TRPM2: variants seen among roughly 807,000 people sequenced by gnomAD.
TRPM2 encodes transient receptor potential cation channel subfamily M member 2.
In TRPM2, 161 loss-of-function variants were observed where a neutral mutation model predicts 174.0. The observed-to-expected ratio is 0.93, with a 90% confidence interval of 0.81 to 1.05. TRPM2 has a LOEUF of 1.05. TRPM2 is among the 50% of genes least tolerant of loss of function. The probability of loss-of-function intolerance (pLI) is 0.00; values close to 1 mark genes in which losing one functional copy is unlikely to be tolerated. For missense variants in TRPM2, 2,057 were observed against 2,038.0 expected, an observed-to-expected ratio of 1.01 and a Z score of -0.18; for synonymous variants, 954 against 861.3, an observed-to-expected ratio of 1.11 and a Z score of -1.88.
In TRPM2 at chr21:44,366,969, C is replaced by T. The variant is rs548489897; in HGVS notation, c.604+35C>T. 62 of 1,542,058 alleles carry T rather than the reference C, an allele frequency of 4.0e-5. No individual in the cohort carries two copies. In the East Asian group the frequency reaches 6.8e-4, roughly 17 times the overall value. On this transcript the variant is annotated intron_variant, in intron 4 of 31. Transcript: ENST00000397928. The surrounding 1 kb of genome is among the most constrained non-coding windows in gnomAD (Gnocchi z 6.0). ...AGGCTGGAGGGACACGAGGCCCCGG[C>T]GGGTGGGGTGGGCTGTGGAGGCAGT...
At chr21:44,365,337 G>A (rs1222145814) in intron 3 of TRPM2, among the ~76,000 whole-genome samples, 1 of 152,216 alleles carries the variant, frequency 6.6e-6, no homozygotes, top group Admixed American at 6.5e-5. Flanking sequence ...TACCTGTCGA[G>A]TGTGACCTGT....
chr21:44,405,402 G>A, intron 17 of TRPM2, 142 bp downstream of exon 17: 2 of 1,311,096 alleles, frequency 1.5e-6, no homozygotes, highest in Non-Finnish European at 2.1e-6. Context: ...TCCAATGGGT[G>A]TCCAGGCAAC....
Position 44,366,806 on chromosome 21 carries a change from C to T in TRPM2, c.476C>T (p.Thr159Ile). Residue 159 changes from threonine to isoleucine, a missense_variant, in exon 4 of 32, where the codon ACC becomes ATC. Physicochemically the swap from Thr to Ile is moderately conservative, Grantham distance 89 (BLOSUM62 -1). Transcript: ENST00000397928. The surrounding 1 kb of genome is among the most constrained non-coding windows in gnomAD (Gnocchi z 6.0). ...TPSSVIYHLM[T>I]QHWGLDVPNL... Reference sequence around the variant, plus strand: ...TCCAGCGTGATCTACCACCTCATGACCCAGCACTGGGGGCTGGACGTCCCC... The same window carrying T: ...TCCAGCGTGATCTACCACCTCATGATCCAGCACTGGGGGCTGGACGTCCCC... 6.2e-7 allele frequency: 1 copy of T among 1,614,000 alleles called. No individual in the cohort carries two copies. Among genetic ancestry groups the T allele is most frequent in the Non-Finnish European group, 8.5e-7 (1 of 1,179,990 alleles).
At position 44,425,788 on chromosome 21, in the gene TRPM2, C is replaced by CA. The variant is rs2050745363; in HGVS notation, c.3757dup (p.Thr1253AsnfsTer20). On this transcript the variant is annotated frameshift_variant, in exon 25 of 32. Coordinates refer to ENST00000397928, the MANE Select transcript of TRPM2 (RefSeq NM_003307.4). LOFTEE classifies it high-confidence loss of function. Reference sequence around the variant, plus strand: ...ACCTCCTCTACCCCAACTGCCCTGTCACGCGCTTCCCCGTGCCCAACGAGA... The same window carrying CA: ...ACCTCCTCTACCCCAACTGCCCTGTCAACGCGCTTCCCCGTGCCCAACGAGA... 1 of 1,588,668 alleles carries CA rather than the reference C, an allele frequency of 6.3e-7. No individual in the cohort carries two copies. Among genetic ancestry groups the CA allele is most frequent in the Non-Finnish European group, 8.6e-7 (1 of 1,161,694 alleles).
At chr21:44,364,654 A>G (rs2048307655) in intron 3 of TRPM2, among the ~76,000 whole-genome samples, 1 of 151,398 alleles carries the variant, frequency 6.6e-6, no homozygotes, top group Non-Finnish European at 1.5e-5. Flanking sequence ...GTGTGCTGGG[A>G]GAATGGTAGG....
In TRPM2 at chr21:44,437,095, G is replaced by A. The variant is rs775827047; in HGVS notation, c.4095G>A (p.Arg1365=). Residue 1365 remains arginine (R), a synonymous_variant, in exon 29 of 32, where the codon AGG becomes AGA. Transcript: ENST00000397928. ...WRRNEDGAIC[R]KSIKKMLEVL... ...GGAACGAGGATGGAGCCATCTGCAG[G>A]AAGAGCATAAAGAAGATGCTGGAAG... The A allele has an allele frequency of 2.1e-4, 324 of 1,551,250 alleles. No individual in the cohort carries two copies. Among genetic ancestry groups the A allele is most frequent in the Admixed American group, 6.9e-4 (35 of 50,998 alleles).
chr21:44,364,086 C>T, intron 2 of TRPM2, 28 bp from the exon 3 acceptor site: 1 of 1,606,894 alleles, frequency 6.2e-7, no homozygotes, highest in South Asian at 1.1e-5. Context: ...ACCACACTCC[C>T]TGGGTGACTG....
At chr21:44,351,210 G>A (rs2122996767), upstream of TRPM2, among the ~76,000 whole-genome samples, 1 of 152,198 alleles carries the variant, frequency 6.6e-6, no homozygotes, top group Non-Finnish European at 1.5e-5. Flanking sequence ...TCCTGGGCTC[G>A]CGTGCCAACG....
At chr21:44,417,872 G>A in intron 20 of TRPM2, 55 bp from the exon 21 acceptor site, 6 of 1,562,634 alleles carry the variant, frequency 3.8e-6, no homozygotes, top group Non-Finnish European at 5.2e-6. Context: ...GGTGAGAGGG[G>A]TCTGTTCTGG....
At chr21:44,436,633 C>T (rs1447245140) in intron 28 of TRPM2, among the ~76,000 whole-genome samples, 7 of 134,402 alleles carry the variant, frequency 5.2e-5, no homozygotes, top group Non-Finnish European at 1.1e-4. Flanking sequence ...CCCACATCAC[C>T]CCCAGGTGGC....
Position 44,438,854 on chromosome 21 carries a change from C to G in TRPM2, c.4168-213C>G, listed in dbSNP as rs1047117026. On this transcript the variant is annotated intron_variant, in intron 29 of 31. Transcript: ENST00000397928. The surrounding 1 kb of genome is among the most constrained non-coding windows in gnomAD (Gnocchi z 5.9). ...CAGAGGTTGTGTCTGCAGCCCAGTG[C>G]CCCCTGCTCGGGCCACGGCAGGCCT... is the stretch of plus-strand genomic sequence containing the variant. Among the ~76,000 whole-genome samples, 4 of 152,180 alleles carry G rather than the reference C, an allele frequency of 2.6e-5. No individual in the cohort carries two copies. The highest frequency in any genetic ancestry group is 2.6e-4 in the Admixed American group (4 of 15,284).
In TRPM2 at chr21:44,436,163, A is replaced by G. The variant is rs938013991; in HGVS notation, c.4062-899A>G. On this transcript the variant is annotated intron_variant, in intron 28 of 31. Transcript: ENST00000397928. ...CTCCAGCAGCTGGCCCACTGCTCTC[A>G]CCCAAGGCACGGGCCGCCTTCTGTG... Among the ~76,000 whole-genome samples, 4 of 152,078 alleles carry G rather than the reference A, an allele frequency of 2.6e-5. No homozygotes were observed. In the South Asian group the frequency reaches 8.3e-4, roughly 32 times the overall value.
In TRPM2 at chr21:44,439,321, C is replaced by T. The variant is rs978137395; in HGVS notation, c.4269+153C>T. Reference sequence around the variant, plus strand: ...ACGGTGGTCCCAGCCCCTGCCCCCACGTTGCACAGCTCCCAGAGGACCCGG... The same window carrying T: ...ACGGTGGTCCCAGCCCCTGCCCCCATGTTGCACAGCTCCCAGAGGACCCGG... On this transcript the variant is annotated intron_variant, in intron 30 of 31. Transcript: ENST00000397928. The surrounding 1 kb of genome is among the most constrained non-coding windows in gnomAD (Gnocchi z 5.1). Among the ~76,000 whole-genome samples the T allele has an allele frequency of 3.9e-5, 6 of 152,118 alleles. No individual in the cohort carries two copies. Among genetic ancestry groups the T allele is most frequent in the Admixed American group, 6.5e-5 (1 of 15,282 alleles).
intron 19 of TRPM2, 63 bp downstream of exon 19, chr21:44,406,828 A>G: frequency 1.3e-6 from 2 of 1,542,432 alleles, no homozygotes; most frequent in East Asian, 2.4e-5. Flanking sequence ...GAGGCTGGAA[A>G]GGGGCCGCAT....
Position 44,379,053 on chromosome 21 carries a change from C to A in TRPM2, c.1071C>A (p.Gly357=). ...CCTGTGTGGTTGTGGAGGGCTCGGG[C>A]CGCGTGGCCGACGTCATTGCCCAGG... The part of the protein sequence containing the change: ...GTPCVVVEGS[G]RVADVIAQVA... The change falls in exon 8 of 32, where the codon GGC becomes GGA. Residue 357 remains glycine (G), a synonymous_variant. Transcript: ENST00000397928. The A allele has an allele frequency of 6.2e-7, 1 of 1,611,318 alleles. No homozygotes were observed.
Position 44,390,983 on chromosome 21 carries a change from C to G in TRPM2, c.1398C>G (p.Asp466Glu). The change falls in exon 10 of 32, where the codon GAC (aspartate) becomes GAG (glutamate). Residue 466 changes from aspartate to glutamate, a missense_variant. By Grantham distance (45) the Asp-to-Glu change is conservative. Transcript: ENST00000397928. ...TGGCAGTGGCATGGAATCGCGTGGA[C>G]ATTGCCCGCAGTGAGATCTTCATGG... ...LKLAVAWNRV[D>E]IARSEIFMDE... The G allele has an allele frequency of 5.6e-6, 9 of 1,614,104 alleles. No homozygotes were observed. The highest frequency in any genetic ancestry group is 7.6e-6 in the Non-Finnish European group (9 of 1,180,038).
Position 44,400,331 on chromosome 21 carries a change from C to T in TRPM2, c.2281C>T (p.Leu761=), listed in dbSNP as rs1221973333. The T allele has an allele frequency of 2.5e-6, 4 of 1,612,718 alleles. No homozygotes were observed. The highest frequency in any genetic ancestry group is 3.4e-6 in the Non-Finnish European group (4 of 1,179,896). ...NGLWRVTLCM[L]AFPLLLTGLI... is the part of the protein sequence containing the mutation. ...GCTGTGGCGTGTGACCCTGTGCATG[C>T]TGGCCTTCCCGCTGCTCCTCACCGG... Residue 761 remains leucine (L), a synonymous_variant, in exon 15 of 32, where the codon CTG becomes TTG. Coordinates refer to ENST00000397928, the MANE Select transcript of TRPM2 (RefSeq NM_003307.4).
upstream of TRPM2, among the ~76,000 whole-genome samples, chr21:44,351,736 T>C (rs1291502026): frequency 1.3e-5 from 2 of 152,154 alleles, no homozygotes; most frequent in South Asian, 2.1e-4. Flanking sequence ...GGTCGAGCCA[T>C]TGGCCCCCCC....
chr21:44,437,253 AC>A, intron 29 of TRPM2, 86 bp downstream of exon 29: 1 of 1,301,474 alleles, frequency 7.7e-7, no homozygotes, highest in African/African-American at 1.5e-5. Flanking sequence ...CGGACTGGAC[AC>A]CAGCCCCCTG....
Sources: gnomAD v4.1 joint callset for allele counts (sites outside exome capture counted in the v4.1 genomes callset) on GRCh38, gnomAD v4.1.1 for gene constraint, Gnocchi (gnomAD v3.1) non-coding constraint, MANE v1.5 for transcripts, NCBI Gene and HGNC (gene_info 2026-07-23, HGNC 2026-07-21) for gene names.